PSMC6: variants seen among roughly 807,000 people sequenced by gnomAD.
PSMC6 encodes proteasome 26S subunit, ATPase 6.
A neutral mutation model predicts 55.9 loss-of-function variants in PSMC6; 3 were observed. That is an observed-to-expected ratio of 0.05 (90% CI 0.02 to 0.14). PSMC6 has a LOEUF of 0.14. Among genes scored for constraint, PSMC6 ranks in the 10% least tolerant of loss-of-function variants. PSMC6 has a pLI of 1.00. For synonymous variants in PSMC6, 137 were observed against 155.9 expected (o/e 0.88, Z 0.90); for missense variants, 210 against 478.7 (o/e 0.44, Z 5.24).
rs1594846441 is a variant in PSMC6, at chr14:52,708,755, T to C, written c.206-9T>C. On this transcript the variant is annotated splice_polypyrimidine_tract_variant and intron_variant, in intron 3 of 13. Coordinates refer to ENST00000445930, the MANE Select transcript of PSMC6 (RefSeq NM_002806.5). ...TTTTCAATTAGTTCTTTTATGTTTT[T>C]TCTTCTAGTCATTGTTAAAGCTACC... 6.2e-7 allele frequency: 1 copy of C among 1,612,112 alleles called. No individual in the cohort carries two copies. Among genetic ancestry groups the C allele is most frequent in the East Asian group, 2.2e-5 (1 of 44,838 alleles).
intron 6 of PSMC6, among the ~76,000 whole-genome samples, chr14:52,713,629 G>C (rs561565205): frequency 6.6e-6 from 1 of 152,100 alleles, no homozygotes; most frequent in African/African-American, 2.4e-5. Flanking sequence ...TTATATATCT[G>C]TGTAACCATC....
chr14:52,721,245 CT>C (rs1390349581), intron 12 of PSMC6, 55 bp downstream of exon 12: 516 of 1,373,900 alleles, frequency 3.8e-4, no homozygotes, highest in Admixed American at 7.6e-4. Context: ...AAGAAAAATA[CT>C]TTTAGAAATT....
In PSMC6 at chr14:52,724,644, A is replaced by T. The variant is rs548927676; in HGVS notation, c.1051+608A>T. Among the ~76,000 whole-genome samples, 10 of 152,304 alleles carry T rather than the reference A, an allele frequency of 6.6e-5. 1 individual carries two copies. In the South Asian group the frequency reaches 2.1e-3, roughly 32 times the overall value. Reference sequence around the variant, plus strand: ...CCATTTGTGTAAAATGTAGTATTTAAATATAATTCTCTGTGGATTGTGTGA... The same window carrying T: ...CCATTTGTGTAAAATGTAGTATTTATATATAATTCTCTGTGGATTGTGTGA... On this transcript the variant is annotated intron_variant, in intron 13 of 13. Coordinates refer to ENST00000445930, the MANE Select transcript of PSMC6 (RefSeq NM_002806.5).
chr14:52,725,661 G>A (rs1327588216), intron 13 of PSMC6, among the ~76,000 whole-genome samples: 5 of 152,222 alleles, frequency 3.3e-5, no homozygotes, highest in African/African-American at 1.2e-4. Context: ...GACTATAGGC[G>A]TGCGCCACCA....
chr14:52,727,538 A>G lies in PSMC6; in HGVS notation c.1091A>G (p.Gln364Arg). ...CGTGCTGATCATGATTTTGTAGTACAGGAAGACTTCATGAAAGCAGTCAGA... is the reference window on the plus strand; with the variant it reads ...CGTGCTGATCATGATTTTGTAGTACGGGAAGACTTCATGAAAGCAGTCAGA... The part of the protein sequence containing the change: ...AIRADHDFVV[Q>R]EDFMKAVRKV... Residue 364 changes from glutamine to arginine, a missense_variant, in exon 14 of 14, where the codon CAG becomes CGG. Gln to Arg is a conservative substitution (Grantham distance 43). This residue lies in a region of PSMC6 where 79 missense variants were observed against 158.7 expected (regional missense o/e 0.50). Coordinates refer to ENST00000445930, the MANE Select transcript of PSMC6 (RefSeq NM_002806.5). 1.9e-6 allele frequency: 3 copies of G among 1,611,990 alleles called. No homozygotes were observed. Among genetic ancestry groups the G allele is most frequent in the Non-Finnish European group, 2.5e-6 (3 of 1,179,720 alleles).
intron 13 of PSMC6, among the ~76,000 whole-genome samples, chr14:52,725,097 A>G (rs927247191): frequency 1.2e-4 from 19 of 152,214 alleles, no homozygotes; most frequent in African/African-American, 4.6e-4. Flanking sequence ...TCAATAAACT[A>G]AACTATTTAG....
In PSMC6 at chr14:52,722,374, CT is replaced by C. The variant is rs76724270; in HGVS notation, c.979+1200del. The C allele has an allele frequency of 9.5e-3, 1,305 of 136,650 alleles. 6 individuals carry two copies. Among genetic ancestry groups the C allele is most frequent in the East Asian group, 0.039 (185 of 4,800 alleles). 8.5% of individuals were successfully genotyped at this position (136,650 alleles called of 1,614,324 possible). ...TGGAAGAGTTTATGACCCCCCTGCC[CT>C]TTTTTTTTTTTTTTTAATAATGCTA... On this transcript the variant is annotated intron_variant, in intron 12 of 13. Transcript: ENST00000445930.
chr14:52,718,913 T>G (rs746125973), intron 9 of PSMC6, 64 bp from the exon 10 acceptor site: 8 of 1,282,332 alleles, frequency 6.2e-6, no homozygotes, highest in Non-Finnish European at 9.0e-6. Flanking sequence ...ATGTTCTGTT[T>G]TCTTAAATGA....
intron 6 of PSMC6, among the ~76,000 whole-genome samples, chr14:52,712,941 T>G (rs753347729): frequency 6.6e-6 from 1 of 151,984 alleles, no homozygotes; most frequent in Non-Finnish European, 1.5e-5. Flanking sequence ...CAATAGAAAT[T>G]TCTCTCTCGG....
chr14:52,723,749 G>A, intron 12 of PSMC6: 1 of 1,136,490 alleles, frequency 8.8e-7, no homozygotes, highest in Non-Finnish European at 1.2e-6. Context: ...GATATTTCCT[G>A]TTTTTAAAGT....
intron 10 of PSMC6, 76 bp from the exon 11 acceptor site, chr14:52,720,785 T>TCTC: frequency 8.5e-7 from 1 of 1,174,576 alleles, no homozygotes; most frequent in Non-Finnish European, 1.2e-6. Flanking sequence ...TTTCATGGCA[T>TCTC]TAGACATATA....
chr14:52,714,123 C>T (rs1290700228), intron 7 of PSMC6, 155 bp downstream of exon 7: 2 of 463,290 alleles, frequency 4.3e-6, no homozygotes, highest in East Asian at 3.5e-5. Flanking sequence ...TAACTGCAAC[C>T]TCTGCCTTCC....
At chr14:52,711,250 C>A in intron 5 of PSMC6, 82 bp downstream of exon 5, 1 of 1,402,864 alleles carries the variant, frequency 7.1e-7, no homozygotes, top group Non-Finnish European at 1.0e-6. Context: ...CTTGAGATCA[C>A]TGAATATTTT....
At chr14:52,724,353 C>T (rs1262829657) in intron 13 of PSMC6, among the ~76,000 whole-genome samples, 1 of 152,280 alleles carries the variant, frequency 6.6e-6, no homozygotes, top group South Asian at 2.1e-4. Context: ...TACTCATCCC[C>T]CATTGGATGA....
At chr14:52,711,059 T>G in intron 4 of PSMC6, 42 bp from the exon 5 acceptor site, 1 of 1,205,196 alleles carries the variant, frequency 8.3e-7, no homozygotes, top group Non-Finnish European at 1.2e-6. Flanking sequence ...TGTTATTCCG[T>G]TTTTAAGTGT....
At chr14:52,709,736 CT>C (rs200184712) in intron 4 of PSMC6, 7,439 of 228,356 alleles carry the variant, frequency 0.033, no homozygotes, top group South Asian at 0.069. Context: ...TAGATTTTGG[CT>C]TTTTTTTTTT....
chr14:52,713,075 AC>A (rs997779569), intron 6 of PSMC6, among the ~76,000 whole-genome samples: 2 of 152,130 alleles, frequency 1.3e-5, no homozygotes, highest in African/African-American at 4.8e-5. Context: ...TTCTAAAAGT[AC>A]AAAAATTAGC....
chr14:52,721,353 T>A (rs1486714558), intron 12 of PSMC6, 163 bp downstream of exon 12: 2 of 572,104 alleles, frequency 3.5e-6, no homozygotes, highest in East Asian at 3.1e-5. Context: ...CTAGGAACCA[T>A]TGTAAGTGTT....
At chr14:52,723,089 A>G (rs562397953) in intron 12 of PSMC6, 1 of 152,334 alleles carries the variant, frequency 6.6e-6, no homozygotes, top group South Asian at 2.1e-4. Flanking sequence ...GTCAATGTAT[A>G]GGTTTCTTCC....
Sources: allele counts gnomAD v4.1 joint callset (sites outside exome capture counted in the v4.1 genomes callset), GRCh38; gene constraint gnomAD v4.1.1; regional missense constraint gnomAD v4.1.1; transcripts MANE v1.5; gene names NCBI Gene and HGNC (gene_info 2026-07-23, HGNC 2026-07-21).